The following CMSS1 variants were observed in gnomAD, a reference collection of about 807,000 sequenced individuals.
CMSS1 encodes the protein cms1 ribosomal small subunit homolog, also known as protein CMSS1.
CMSS1 carries 33 observed loss-of-function variants against 43.5 expected under a neutral mutation model. The observed-to-expected ratio is 0.76, with a 90% confidence interval of 0.57 to 1.01. CMSS1 has a LOEUF of 1.01. Ranked by LOEUF, CMSS1 falls within the 50% of genes least tolerant of loss-of-function variation. The probability of loss-of-function intolerance (pLI) is 0.00; values close to 1 mark genes in which losing one functional copy is unlikely to be tolerated. For synonymous variants in CMSS1, 115 were observed against 117.2 expected (o/e 0.98, Z 0.12); for missense variants, 313 against 326.4 (o/e 0.96, Z 0.32).
intron 1 of CMSS1, among the ~76,000 whole-genome samples, chr3:100,113,086 G>A (rs912181764): frequency 6.6e-6 from 1 of 152,180 alleles, no homozygotes; most frequent in African/African-American, 2.4e-5. Flanking sequence ...CAGTGTATGT[G>A]TTGCACCTCT....
intron 1 of CMSS1, among the ~76,000 whole-genome samples, chr3:99,973,097 A>C (rs1708870577): frequency 6.6e-6 from 1 of 152,230 alleles, no homozygotes. Context: ...ATTATTAAAA[A>C]AGATGAAGGG....
intron 1 of CMSS1, among the ~76,000 whole-genome samples, chr3:99,863,712 T>C (rs543221727): frequency 4.6e-5 from 7 of 152,310 alleles, no homozygotes; most frequent in African/African-American, 1.4e-4. Context: ...TATTTCAAAA[T>C]GTGTGTATTA....
At chr3:100,039,530 A>T (rs2065165464) in intron 1 of CMSS1, among the ~76,000 whole-genome samples, 1 of 152,148 alleles carries the variant, frequency 6.6e-6, no homozygotes, top group South Asian at 2.1e-4. Flanking sequence ...CAGTCTTATA[A>T]TATGCGGGAT....
rs1491315247 is a variant in CMSS1 at position 99,916,435 on chromosome 3, T to TACAC, written c.64+98393_64+98394insCACA. On this transcript the variant is annotated intron_variant, in intron 1 of 9. Coordinates refer to ENST00000421999, the MANE Select transcript of CMSS1 (RefSeq NM_032359.4). ...GAGCCAACACTTTATAATAACGGTT[T>TACAC]ATACACACACACACACACACACACA... Among the ~76,000 whole-genome samples the TACAC allele has an allele frequency of 2.3e-3, 275 of 120,204 alleles. 1 individual carries two copies. Among genetic ancestry groups the TACAC allele is most frequent in the African/African-American group, 9.1e-3 (263 of 28,846 alleles). The allele number at this position is 120,204 out of a possible 152,430, so 78.9% of individuals were successfully genotyped here. A position where few individuals can be genotyped will look rare whatever the true frequency, so the allele number is the denominator to read the frequency against.
At chr3:99,934,291 C>T (rs1304224437) in intron 1 of CMSS1, among the ~76,000 whole-genome samples, 1 of 152,194 alleles carries the variant, frequency 6.6e-6, no homozygotes, top group Non-Finnish European at 1.5e-5. Context: ...TAACTGCAGC[C>T]ATCTTTGAAA....
intron 1 of CMSS1, among the ~76,000 whole-genome samples, chr3:100,028,560 A>G: frequency 6.6e-6 from 1 of 152,180 alleles, no homozygotes. Flanking sequence ...ATTACTAATT[A>G]CAAAATTTTT....
chr3:100,155,786 C>G (rs892246712), intron 2 of CMSS1, among the ~76,000 whole-genome samples: 1 of 152,152 alleles, frequency 6.6e-6, no homozygotes, highest in Non-Finnish European at 1.5e-5. Context: ...GTTTAATTTG[C>G]AAATAAACTT....
chr3:99,903,502 G>A (rs181682802), intron 1 of CMSS1, among the ~76,000 whole-genome samples: 2 of 152,026 alleles, frequency 1.3e-5, no homozygotes, highest in Non-Finnish European at 2.9e-5. Flanking sequence ...CACCTGCCTC[G>A]GCCTCCCAAA....
intron 1 of CMSS1, among the ~76,000 whole-genome samples, chr3:100,140,886 A>G (rs965331008): frequency 6.6e-6 from 1 of 152,164 alleles, no homozygotes; most frequent in African/African-American, 2.4e-5. Context: ...AACCACAGCA[A>G]TTCTGAAAAT....
At chr3:100,071,544 C>G (rs2065763879) in intron 1 of CMSS1, among the ~76,000 whole-genome samples, 1 of 152,104 alleles carries the variant, frequency 6.6e-6, no homozygotes, top group South Asian at 2.1e-4. Flanking sequence ...CAGAATAGCC[C>G]AAGGGTGTGG....
chr3:100,098,001 G>C (rs2066240396), intron 1 of CMSS1, among the ~76,000 whole-genome samples: 1 of 152,188 alleles, frequency 6.6e-6, no homozygotes, highest in African/African-American at 2.4e-5. Context: ...TGTTTAGCTA[G>C]GCATAGTAAT....
At chr3:99,849,419 G>T (rs376645916) in intron 1 of CMSS1, 20 of 1,613,994 alleles carry the variant, frequency 1.2e-5, no homozygotes, top group Non-Finnish European at 1.6e-5. Flanking sequence ...CTGTTTTCTT[G>T]TTGATTTAGT....
intron 2 of CMSS1, among the ~76,000 whole-genome samples, chr3:100,156,189 A>G (rs1382205698): frequency 2.0e-5 from 3 of 151,844 alleles, no homozygotes; most frequent in Non-Finnish European, 4.4e-5. Context: ...CAGTGGTACA[A>G]TCATAGCTCA....
chr3:99,948,834 G>A (rs1235689988), intron 1 of CMSS1, among the ~76,000 whole-genome samples: 2 of 152,170 alleles, frequency 1.3e-5, no homozygotes, highest in South Asian at 2.1e-4. Flanking sequence ...GACATCATCA[G>A]GGTTGGAAGG....
intron 1 of CMSS1, among the ~76,000 whole-genome samples, chr3:100,071,447 A>G (rs2065761717): frequency 6.6e-6 from 1 of 152,160 alleles, no homozygotes; most frequent in South Asian, 2.1e-4. Context: ...AGACAGTCAA[A>G]GTAGATACTG....
chr3:100,082,244 G>C (rs1053329125), intron 1 of CMSS1, among the ~76,000 whole-genome samples: 11 of 152,166 alleles, frequency 7.2e-5, no homozygotes, highest in Admixed American at 5.2e-4. Context: ...TCATAGAATA[G>C]AATCTGTTTA....
At chr3:99,925,643 G>A (rs934679103) in intron 1 of CMSS1, among the ~76,000 whole-genome samples, 1 of 152,156 alleles carries the variant, frequency 6.6e-6, no homozygotes, top group African/African-American at 2.4e-5. Context: ...TACCCTTAGG[G>A]GCTTATACGT....
At chr3:100,024,251 C>T (rs2064878432) in intron 1 of CMSS1, among the ~76,000 whole-genome samples, 1 of 152,114 alleles carries the variant, frequency 6.6e-6, no homozygotes, top group South Asian at 2.1e-4. Context: ...TGGTGTAGAG[C>T]CAAGGCCTTT....
intron 1 of CMSS1, among the ~76,000 whole-genome samples, chr3:99,998,119 T>C (rs951252716): frequency 6.6e-6 from 1 of 152,212 alleles, no homozygotes; most frequent in African/African-American, 2.4e-5. Context: ...AGAATCATAG[T>C]GTACTACTGA....
Sources: allele counts gnomAD v4.1 joint callset (sites outside exome capture counted in the v4.1 genomes callset), GRCh38; gene constraint gnomAD v4.1.1; transcripts MANE v1.5; gene names NCBI Gene and HGNC (gene_info 2026-07-23, HGNC 2026-07-21).